Variants in CMTM4 observed in about 807,000 individuals in gnomAD.
CMTM4 encodes the protein CKLF-like MARVEL transmembrane domain-containing protein 4.
In CMTM4, 8 loss-of-function variants were observed where a neutral mutation model predicts 19.0. That is an observed-to-expected ratio of 0.42 (90% CI 0.25 to 0.76). The LOEUF (loss-of-function observed/expected upper bound fraction) is 0.76. Among genes scored for constraint, CMTM4 ranks in the 30% least tolerant of loss-of-function variants. The pLI is 0.27. For synonymous variants in CMTM4, 106 were observed against 121.1 expected (o/e 0.88, Z 0.82); for missense variants, 228 against 290.2 (o/e 0.79, Z 1.56).
the CMTM4 span, chr16:66,604,794 G>T: frequency 1.6e-6 from 2 of 1,225,444 alleles, no homozygotes; most frequent in Non-Finnish European, 2.0e-6. Flanking sequence ...CGGCCCTACC[G>T]CCGCCGCCGC....
chr16:66,613,909 C>G (rs1308480847), downstream of CMTM4: 2 of 150,338 alleles, frequency 1.3e-5, no homozygotes, highest in African/African-American at 4.9e-5. Flanking sequence ...ATTTCCCTAA[C>G]CTTTTTGGCA....
chr16:66,686,760 G>A (rs1490525192), intron 1 of CMTM4, among the ~76,000 whole-genome samples: 1 of 151,596 alleles, frequency 6.6e-6, no homozygotes, highest in Non-Finnish European at 1.5e-5. Flanking sequence ...TTTTTTAAAT[G>A]TTCAGAAATG....
chr16:66,636,009 T>G (rs930742713), intron 2 of CMTM4, among the ~76,000 whole-genome samples: 1 of 152,208 alleles, frequency 6.6e-6, no homozygotes, highest in Admixed American at 6.5e-5. Flanking sequence ...TACTGGCATT[T>G]TCATTCATAT....
downstream of CMTM4, chr16:66,612,975 TC>T: frequency 1.4e-6 from 1 of 691,122 alleles, no homozygotes; most frequent in South Asian, 1.5e-5. This position sits in a 1 kb window ranked among gnomAD's most constrained non-coding sequence, Gnocchi z 6.0. Flanking sequence ...CAGCAGGTGT[TC>T]CATGCTGCTA....
In CMTM4 at chr16:66,657,085, ATT is replaced by A. The variant is rs35197723; in HGVS notation, c.187-20506_187-20505del. Among the ~76,000 whole-genome samples the A allele has an allele frequency of 1.6e-3, 227 of 139,142 alleles. 1 individual carries two copies. The highest frequency in any genetic ancestry group is 3.7e-3 in the Middle Eastern group (1 of 268). The allele number at this position is 139,142 out of a possible 152,430, so 91.3% of individuals were successfully genotyped here. Reference sequence around the variant, plus strand: ...GTACTGAATCAGTGTTAATTTCCTGATTTTTTTTTTTTTTTTTCAGATGGAGT... The same window carrying A: ...GTACTGAATCAGTGTTAATTTCCTGATTTTTTTTTTTTTTTCAGATGGAGT... On this transcript the variant is annotated intron_variant, in intron 1 of 3. Coordinates refer to ENST00000394106, the MANE Select transcript of CMTM4 (RefSeq NM_181521.3).
At chr16:66,650,623 C>T (rs1233156889) in intron 1 of CMTM4, among the ~76,000 whole-genome samples, 2 of 152,158 alleles carry the variant, frequency 1.3e-5, no homozygotes, top group Non-Finnish European at 2.9e-5. Context: ...AGCATCTTAA[C>T]AGTCCTGAAA....
chr16:66,665,262 T>TAAAA (rs71145929), intron 1 of CMTM4, among the ~76,000 whole-genome samples: 1 of 59,708 alleles, frequency 1.7e-5, no homozygotes, highest in Non-Finnish European at 3.3e-5. Context: ...CCCTGTTTCT[T>TAAAA]AAAAAAAAAA....
At chr16:66,623,622 TC>T in intron 2 of CMTM4, 120 bp from the exon 3 acceptor site, 1 of 606,468 alleles carries the variant, frequency 1.6e-6, no homozygotes, top group Non-Finnish European at 2.9e-6. Flanking sequence ...GCTCCATATT[TC>T]AGTCTCAATG....
intron 1 of CMTM4, among the ~76,000 whole-genome samples, chr16:66,661,220 A>G (rs1318620755): frequency 1.3e-5 from 2 of 152,236 alleles, no homozygotes; most frequent in Non-Finnish European, 1.5e-5. Context: ...GCTAATATGT[A>G]AGGTAATAAG....
At chr16:66,634,638 C>T (rs538567235) in intron 2 of CMTM4, among the ~76,000 whole-genome samples, 1 of 152,102 alleles carries the variant, frequency 6.6e-6, no homozygotes, top group Admixed American at 6.6e-5. Context: ...GGTAACATAA[C>T]AGCAGCGTGC....
intron 1 of CMTM4, among the ~76,000 whole-genome samples, chr16:66,653,526 T>C (rs576720747): frequency 4.6e-5 from 7 of 152,260 alleles, no homozygotes; most frequent in Non-Finnish European, 7.4e-5. Context: ...GGGACTACTG[T>C]TCAGCATGGT....
intron 2 of CMTM4, among the ~76,000 whole-genome samples, chr16:66,629,153 C>T (rs2015800984): frequency 6.6e-6 from 1 of 152,190 alleles, no homozygotes; most frequent in South Asian, 2.1e-4. Context: ...CTGAACTGAT[C>T]ACAAATGAAA....
intron 1 of CMTM4, among the ~76,000 whole-genome samples, chr16:66,639,394 T>C (rs906828096): frequency 3.3e-5 from 5 of 152,216 alleles, no homozygotes; most frequent in South Asian, 2.1e-4. Flanking sequence ...GCAAATCTAA[T>C]AGACCATTTG....
At chr16:66,645,572 CAAAAACA>C (rs774398138) in intron 1 of CMTM4, among the ~76,000 whole-genome samples, 1 of 150,940 alleles carries the variant, frequency 6.6e-6, no homozygotes, top group Non-Finnish European at 1.5e-5. Context: ...GACTCCATCT[CAAAAACA>C]AAAAACAAAA....
downstream of CMTM4, chr16:66,613,486 A>G (rs1253462387): frequency 1.2e-5 from 3 of 245,120 alleles, no homozygotes; most frequent in Non-Finnish European, 2.4e-5. Context: ...GGGCAGGTCT[A>G]TGGGCCACTG....
intron 1 of CMTM4, among the ~76,000 whole-genome samples, chr16:66,685,865 G>T (rs1408493062): frequency 6.6e-6 from 1 of 152,090 alleles, no homozygotes; most frequent in African/African-American, 2.4e-5. Context: ...GGCTGGTCTC[G>T]AACTCCTGAG....
At chr16:66,689,395 T>C (rs766240637) in intron 1 of CMTM4, among the ~76,000 whole-genome samples, 41 of 152,134 alleles carry the variant, frequency 2.7e-4, no homozygotes, top group Non-Finnish European at 5.4e-4. Context: ...CATCAAATGA[T>C]AGAATCATGT....
chr16:66,631,558 G>A (rs1157345438), intron 2 of CMTM4, among the ~76,000 whole-genome samples: 1 of 152,192 alleles, frequency 6.6e-6, no homozygotes, highest in African/African-American at 2.4e-5. Context: ...AAGTAGACTT[G>A]GGAGACTTTT....
intron 1 of CMTM4, among the ~76,000 whole-genome samples, chr16:66,688,806 T>C (rs1332645806): frequency 6.6e-6 from 1 of 152,254 alleles, no homozygotes; most frequent in Admixed American, 6.5e-5. Flanking sequence ...TTTGGTCATC[T>C]TTGATTTCTT....
Sources: allele counts gnomAD v4.1 joint callset (sites outside exome capture counted in the v4.1 genomes callset), GRCh38; gene constraint gnomAD v4.1.1; non-coding constraint Gnocchi (gnomAD v3.1); transcripts MANE v1.5; gene names NCBI Gene and HGNC (gene_info 2026-07-23, HGNC 2026-07-21).